Variants in BBS10 observed in about 807,000 individuals in gnomAD.
The protein encoded by BBS10 is Bardet-Biedl syndrome 10, also known as BBSome complex assembly protein BBS10.
In BBS10, 13 loss-of-function variants were observed where a neutral mutation model predicts 12.7. The observed-to-expected ratio is 1.03, with a 90% CI of 0.67 to 1.63. BBS10 has a LOEUF of 1.63. Ranked by LOEUF, BBS10 falls within the 40% of genes most tolerant of loss-of-function variation. The pLI is 0.00. For synonymous variants in BBS10, 294 were observed against 304.8 expected (o/e 0.96, Z 0.37); for missense variants, 858 against 858.0 (o/e 1.00, Z 0.00).
In BBS10 at chr12:76,347,348, A is replaced by G. The variant is rs367795705; in HGVS notation, c.637T>C (p.Leu213=). Residue 213 remains leucine, a synonymous_variant, in exon 2 of 2, where the codon TTA becomes CTA. Coordinates refer to ENST00000650064, the MANE Select transcript of BBS10 (RefSeq NM_024685.4). ...TCKSGIGVFE[L]VDDHFVELNV... ...AACTCTACAAAATGGTCATCCACTA[A>G]CTCAAATACACCAATCCCACTTTTA... 5.0e-5 allele frequency: 80 copies of G among 1,613,938 alleles called. No individual in the cohort carries two copies. The highest frequency in any genetic ancestry group is 6.4e-5 in the Non-Finnish European group (76 of 1,180,004).
chr12:76,346,729 T>C lies in BBS10; in HGVS notation c.1256A>G (p.Lys419Arg), dbSNP rs1164689650. Residue 419 changes from lysine (K) to arginine (R), a missense_variant, in exon 2 of 2, where the codon AAA (lysine) becomes AGA (arginine). Physicochemically the swap from Lys to Arg is conservative, Grantham distance 26 (BLOSUM62 2). Coordinates refer to ENST00000650064, the MANE Select transcript of BBS10 (RefSeq NM_024685.4). Reference sequence around the variant, plus strand: ...GTCTTTAAATAATTGCCGAAGCATTTTAAGTGCTCCATGTAAAGCATCCTC... The same window carrying C: ...GTCTTTAAATAATTGCCGAAGCATTCTAAGTGCTCCATGTAAAGCATCCTC... ...QHEDALHGAL[K>R]MLRQLFKDLD... 1 of 1,614,160 alleles carries C rather than the reference T, an allele frequency of 6.2e-7. No homozygotes were observed. Among genetic ancestry groups the C allele is most frequent in the South Asian group, 1.1e-5 (1 of 91,084 alleles).
At chr12:76,348,022 G>A in intron 1 of BBS10, 140 bp downstream of exon 1, 1 of 1,044,812 alleles carries the variant, frequency 9.6e-7, no homozygotes, top group Non-Finnish European at 1.4e-6. Context: ...GTTCCCTTGG[G>A]CAGGGCTCTA....
At position 76,346,908 on chromosome 12, in the gene BBS10, C is replaced by T. The variant is rs2136090625; in HGVS notation, c.1077G>A (p.Gln359=). Residue 359 remains glutamine (Q), a synonymous_variant, in exon 2 of 2, where the codon CAG becomes CAA. Transcript: ENST00000650064. ...CCAAAGCAGTGTTAGGTATTTCACACTGCGAAAAGGCCTGTGGTGGTACAA... is the reference window on the plus strand; with the variant it reads ...CCAAAGCAGTGTTAGGTATTTCACATTGCGAAAAGGCCTGTGGTGGTACAA... ...SPFVPPQAFS[Q]CEIPNTALVK... The T allele has an allele frequency of 5.6e-6, 9 of 1,612,826 alleles. No homozygotes were observed. The highest frequency in any genetic ancestry group is 7.6e-6 in the Non-Finnish European group (9 of 1,180,016).
rs886049847 is a variant in BBS10, at chr12:76,345,707, G to A, written c.*106C>T. On this transcript the variant is annotated 3_prime_UTR_variant, in exon 2 of 2. Coordinates refer to ENST00000650064, the MANE Select transcript of BBS10 (RefSeq NM_024685.4). ...TTCTTCTAAAGACTTTTAAAGTTAC[G>A]CTATTTTCCTAAGTAGACTGAACTG... 1.1e-4 allele frequency: 106 copies of A among 1,003,932 alleles called. No individual in the cohort carries two copies. The African/African-American group carries it at 1.4e-3, about 14-fold the overall frequency. 62.2% of individuals were successfully genotyped at this position (1,003,932 alleles called of 1,614,324 possible).
chr12:76,347,959 G>A (rs979747292), intron 1 of BBS10, among the ~76,000 whole-genome samples, 172 bp from the exon 2 acceptor site: 1 of 152,206 alleles, frequency 6.6e-6, no homozygotes, highest in Admixed American at 6.5e-5. Flanking sequence ...CCACCGTTGG[G>A]TGGAGTGGGG....
rs139719799 is a variant in BBS10, at chr12:76,346,316, T to C, written c.1669A>G (p.Ile557Val). Residue 557 changes from isoleucine (I) to valine (V), a missense_variant, in exon 2 of 2, where the codon ATT becomes GTT. Transcript: ENST00000650064. ...GTGACCTGTAAATTTTCGTAAGAAA[T>C]TTCTATTCTATTTCCCCTTGTTGAA... is the stretch of plus-strand genomic sequence containing the variant. ...AYSTRGNRIE[I>V]SYENLQVTNI... The C allele has an allele frequency of 2.8e-4, 449 of 1,613,910 alleles. No homozygotes were observed. In the African/African-American group the frequency reaches 5.5e-3, roughly 20 times the overall value.
chr12:76,348,119 C>T (rs1423559176), intron 1 of BBS10, 43 bp downstream of exon 1: 3 of 1,573,438 alleles, frequency 1.9e-6, no homozygotes, highest in East Asian at 2.3e-5. Context: ...ACAGAGGCTG[C>T]CTGGGGTGCC....
chr12:76,346,958 G>A lies in BBS10; in HGVS notation c.1027C>T (p.Arg343Trp), dbSNP rs759474648. The A allele has an allele frequency of 1.4e-5, 22 of 1,610,674 alleles. No individual in the cohort carries two copies. Among genetic ancestry groups the A allele is most frequent in the African/African-American group, 4.0e-5 (3 of 74,882 alleles). The part of the protein sequence containing the change: ...CLSSEEVSLI[R>W]RIIGLSPFVP... ...AATGGAGAAAGACCAATGATCCTCC[G>A]GATAAGAGAAACTTCTTCTGATGAT... Residue 343 changes from arginine to tryptophan, a missense_variant, in exon 2 of 2, where the codon CGG becomes TGG. Transcript: ENST00000650064.
At position 76,346,474 on chromosome 12, in the gene BBS10, A is replaced by C; in HGVS notation, c.1511T>G (p.Ile504Ser). The C allele has an allele frequency of 6.2e-7, 1 of 1,614,096 alleles. No individual in the cohort carries two copies. Among genetic ancestry groups the C allele is most frequent in the Non-Finnish European group, 8.5e-7 (1 of 1,179,954 alleles). Residue 504 changes from isoleucine (I) to serine (S), a missense_variant, in exon 2 of 2, where the codon ATT (isoleucine) becomes AGT (serine). Ile to Ser is a moderately radical substitution (Grantham distance 142). Coordinates refer to ENST00000650064, the MANE Select transcript of BBS10 (RefSeq NM_024685.4). ...TGTCAGTGTGGGGGTTGAATACGGA[A>C]TATATGTTTCTAATTCTACATCTGG... ...VIPDVELETY[I>S]PYSTPTLTPT... is the part of the protein sequence containing the mutation.
rs528263702 is a variant in BBS10 at position 76,347,925 on chromosome 12, A to G, written c.198-138T>C. The G allele has an allele frequency of 1.6e-5, 18 of 1,107,488 alleles. No homozygotes were observed. The East Asian group carries it at 4.3e-4, about 26-fold the overall frequency. 68.6% of individuals were successfully genotyped at this position (1,107,488 alleles called of 1,614,324 possible). ...TCCTTAGTTTTTTCCTTTCTTGGAA[A>G]AAACTCTGCTCTATTCCAAGATTCC... On this transcript the variant is annotated intron_variant, in intron 1 of 1. Coordinates refer to ENST00000650064, the MANE Select transcript of BBS10 (RefSeq NM_024685.4).
In BBS10 at chr12:76,346,016, T is replaced by C. The variant is rs766733372; in HGVS notation, c.1969A>G (p.Thr657Ala). The C allele has an allele frequency of 3.8e-5, 62 of 1,613,880 alleles. No individual in the cohort carries two copies. The highest frequency in any genetic ancestry group is 4.2e-5 in the Non-Finnish European group (50 of 1,179,920). Residue 657 changes from threonine to alanine, a missense_variant, in exon 2 of 2, where the codon ACA (threonine) becomes GCA (alanine). Thr to Ala is a moderately conservative substitution (Grantham distance 58). Coordinates refer to ENST00000650064, the MANE Select transcript of BBS10 (RefSeq NM_024685.4). ...SKTGKYSFPH[T>A]YIRAVHALQT... is the part of the protein sequence containing the mutation. ...AGTGCATGGACAGCTCTTATATATG[T>C]ATGTGGAAAGCTGTACTTTCCTGTT...
intron 1 of BBS10, 104 bp from the exon 2 acceptor site, chr12:76,347,891 T>C (rs887825123): frequency 1.7e-5 from 22 of 1,283,532 alleles, no homozygotes; most frequent in Non-Finnish European, 2.4e-5. Context: ...ATATTGTTCC[T>C]TGGATACATC....
rs1347416021 is a variant in BBS10 at position 76,345,798 on chromosome 12, T to G, written c.*15A>C. On this transcript the variant is annotated 3_prime_UTR_variant, in exon 2 of 2. Coordinates refer to ENST00000650064, the MANE Select transcript of BBS10 (RefSeq NM_024685.4). ...GAGTTAGATGAAAAGTTTGGTTAAT[T>G]AAAAACTTCTGATGTTATAGTTCAT... The G allele has an allele frequency of 6.2e-7, 1 of 1,609,750 alleles. No homozygotes were observed. The highest frequency in any genetic ancestry group is 8.5e-7 in the Non-Finnish European group (1 of 1,177,620).
chr12:76,345,978 T>C lies in BBS10; in HGVS notation c.2007A>G (p.Gln669=). The change falls in exon 2 of 2, where the codon CAA becomes CAG. Residue 669 remains glutamine (Q), a synonymous_variant. Coordinates refer to ENST00000650064, the MANE Select transcript of BBS10 (RefSeq NM_024685.4). ...IRAVHALQTN[Q]PLVSSQTGLE... ...AACCTGTCTGACTGCTTACCAAGGG[T>C]TGATTGGTTTGCAGTGCATGGACAG... 2 of 1,614,010 alleles carry C rather than the reference T, an allele frequency of 1.2e-6. No individual in the cohort carries two copies. Among genetic ancestry groups the C allele is most frequent in the Non-Finnish European group, 1.7e-6 (2 of 1,179,926 alleles).
Position 76,345,591 on chromosome 12 carries a change from C to T in BBS10, c.*222G>A. The T allele has an allele frequency of 1.9e-6, 1 of 515,372 alleles. No homozygotes were observed. The highest frequency in any genetic ancestry group is 2.1e-5 in the South Asian group (1 of 48,280). The allele number at this position is 515,372 out of a possible 1,614,324, so 31.9% of individuals were successfully genotyped here. On this transcript the variant is annotated 3_prime_UTR_variant, in exon 2 of 2. Coordinates refer to ENST00000650064, the MANE Select transcript of BBS10 (RefSeq NM_024685.4). The stretch of plus-strand genomic sequence containing the variant: ...ACAGAGGCATAAAATAGGGAAAAAA[C>T]AGACACACTTAGCCAAATCTTGGCT...
At position 76,347,544 on chromosome 12, in the gene BBS10, C is replaced by T. The variant is rs780256070; in HGVS notation, c.441G>A (p.Gln147=). The T allele has an allele frequency of 6.2e-7, 1 of 1,613,634 alleles. No individual in the cohort carries two copies. Among genetic ancestry groups the T allele is most frequent in the African/African-American group, 1.3e-5 (1 of 74,890 alleles). Reference sequence around the variant, plus strand: ...TAGACAAAAAGTGTCTACTTAGGTACTGGTCCATAATACCGTCTAATATTT... The same window carrying T: ...TAGACAAAAAGTGTCTACTTAGGTATTGGTCCATAATACCGTCTAATATTT... The part of the protein sequence containing the change: ...QTQILDGIMD[Q]YLSRHFLSIF... The change falls in exon 2 of 2, where the codon CAG becomes CAA. Residue 147 remains glutamine (Q), a synonymous_variant. Coordinates refer to ENST00000650064, the MANE Select transcript of BBS10 (RefSeq NM_024685.4).
Position 76,346,507 on chromosome 12 carries a change from A to C in BBS10, c.1478T>G (p.Leu493Trp). Residue 493 changes from leucine to tryptophan, a missense_variant, in exon 2 of 2, where the codon TTG (leucine) becomes TGG (tryptophan). Coordinates refer to ENST00000650064, the MANE Select transcript of BBS10 (RefSeq NM_024685.4). The stretch of plus-strand genomic sequence containing the variant: ...TTCTAATTCTACATCTGGAATTACC[A>C]AATTAGAATGTACTTTTAAATATGT... ...TQTYLKVHSNLVIPDVELETY... is the reference protein window; with the variant it reads ...TQTYLKVHSNWVIPDVELETY... 3 of 1,614,034 alleles carry C rather than the reference A, an allele frequency of 1.9e-6. No individual in the cohort carries two copies. Among genetic ancestry groups the C allele is most frequent in the Non-Finnish European group, 2.5e-6 (3 of 1,179,904 alleles).
In BBS10 at chr12:76,346,398, T is replaced by C; in HGVS notation, c.1587A>G (p.Glu529=). Residue 529 remains glutamate (E), a synonymous_variant, in exon 2 of 2, where the codon GAA becomes GAG. Coordinates refer to ENST00000650064, the MANE Select transcript of BBS10 (RefSeq NM_024685.4). ...TVETLTCLSL[E]RNRLTDYYEP... The stretch of plus-strand genomic sequence containing the variant: ...CATAATAATCAGTTAGCCTGTTTCT[T>C]TCCAAAGACAAACATGTCAGCGTTT... The C allele has an allele frequency of 6.2e-7, 1 of 1,614,148 alleles. No individual in the cohort carries two copies. The highest frequency in any genetic ancestry group is 1.3e-5 in the African/African-American group (1 of 75,068).
chr12:76,348,120 C>T, intron 1 of BBS10, 42 bp downstream of exon 1: 1 of 1,575,240 alleles, frequency 6.3e-7, no homozygotes, highest in Non-Finnish European at 8.6e-7. Context: ...CAGAGGCTGC[C>T]TGGGGTGCCC....
Sources: allele counts gnomAD v4.1 joint callset (sites outside exome capture counted in the v4.1 genomes callset), GRCh38; gene constraint gnomAD v4.1.1; transcripts MANE v1.5; gene names NCBI Gene and HGNC (gene_info 2026-07-23, HGNC 2026-07-21).